Variants in ERC2 observed in about 807,000 individuals in gnomAD.
The protein encoded by ERC2 is ERC protein 2.
Under a neutral mutation model 114.8 loss-of-function variants are expected in ERC2, and 42 were observed. The ratio of observed to expected loss-of-function variants is 0.37; its 90% CI spans 0.29 to 0.47. ERC2 has a LOEUF of 0.47. Among genes scored for constraint, ERC2 ranks in the 20% least tolerant of loss-of-function variants. The pLI is 0.99. For synonymous variants in ERC2, 454 were observed against 425.5 expected, an observed-to-expected ratio of 1.07 and a Z score of -0.82; for missense variants, 939 against 1,150.7, an observed-to-expected ratio of 0.82 and a Z score of 2.66.
intron 17 of ERC2, among the ~76,000 whole-genome samples, chr3:55,678,740 T>A (rs1002308831): frequency 5.3e-5 from 8 of 152,152 alleles, no homozygotes; most frequent in Non-Finnish European, 8.8e-5. Context: ...CGACTGGACA[T>A]CTGGGGAAAC....
chr3:55,847,257 G>A (rs527247866), intron 14 of ERC2, among the ~76,000 whole-genome samples: 1 of 152,188 alleles, frequency 6.6e-6, no homozygotes, highest in East Asian at 1.9e-4. Context: ...TTTTCCCATT[G>A]GACATAAATT....
chr3:55,690,403 A>G (rs1316902378), intron 16 of ERC2, among the ~76,000 whole-genome samples: 1 of 152,074 alleles, frequency 6.6e-6, no homozygotes, highest in African/African-American at 2.4e-5. Context: ...AAGGTTGGCC[A>G]CCCCCTCTCA....
chr3:56,130,602 G>A (rs1258490575), intron 6 of ERC2, among the ~76,000 whole-genome samples: 1 of 152,188 alleles, frequency 6.6e-6, no homozygotes, highest in East Asian at 1.9e-4. Flanking sequence ...CTCTTGACCT[G>A]TAGAACAAAA....
intron 6 of ERC2, among the ~76,000 whole-genome samples, chr3:56,088,889 A>G (rs1560153745): frequency 1.3e-5 from 2 of 152,128 alleles, no homozygotes; most frequent in Non-Finnish European, 2.9e-5. Flanking sequence ...ATTATACTTT[A>G]TTATTCTACT....
intron 14 of ERC2, among the ~76,000 whole-genome samples, chr3:55,861,317 G>C (rs113665247): frequency 6.6e-6 from 1 of 152,146 alleles, no homozygotes; most frequent in Non-Finnish European, 1.5e-5. Flanking sequence ...GGAAGCCAGC[G>C]CAGCTGGTTG....
At chr3:56,055,561 G>A (rs188625777) in intron 7 of ERC2, among the ~76,000 whole-genome samples, 84 of 152,220 alleles carry the variant, frequency 5.5e-4, no homozygotes, top group Admixed American at 3.9e-3. Flanking sequence ...CTTAAAAGAC[G>A]TTAGTCATTA....
intron 13 of ERC2, among the ~76,000 whole-genome samples, chr3:55,945,481 C>T (rs760393617): frequency 1.3e-4 from 20 of 152,158 alleles, no homozygotes; most frequent in South Asian, 8.3e-4. Context: ...AAGATATACA[C>T]GTCCTTCTGC....
intron 10 of ERC2, among the ~76,000 whole-genome samples, chr3:55,994,720 T>C (rs1202520739): frequency 7.0e-6 from 1 of 143,170 alleles, no homozygotes; most frequent in Non-Finnish European, 1.5e-5. Context: ...TAGAGATAGG[T>C]ATGTACACAT....
rs554094727 is a variant in ERC2 at position 56,394,424 on chromosome 3, C to T, written c.657+39927G>A. Among the ~76,000 whole-genome samples, 10 of 152,250 alleles carry T rather than the reference C, an allele frequency of 6.6e-5. No homozygotes were observed. In the East Asian group the frequency reaches 1.9e-3, roughly 29 times the overall value. Reference sequence around the variant, plus strand: ...AAATCACTGCACAATATATTCTTAGCTAATTCTGACCTGTCTGACTTTTTA... The same window carrying T: ...AAATCACTGCACAATATATTCTTAGTTAATTCTGACCTGTCTGACTTTTTA... On this transcript the variant is annotated intron_variant, in intron 2 of 17. Transcript: ENST00000288221.
intron 6 of ERC2, among the ~76,000 whole-genome samples, chr3:56,115,336 C>G (rs1360740344): frequency 3.3e-5 from 5 of 152,276 alleles, no homozygotes; most frequent in Middle Eastern, 3.4e-3. Context: ...GATTCAATCA[C>G]TGGCCATTCT....
intron 6 of ERC2, among the ~76,000 whole-genome samples, chr3:56,132,179 A>T (rs181971812): frequency 6.6e-6 from 1 of 152,152 alleles, no homozygotes; most frequent in East Asian, 1.9e-4. Context: ...AGCATTCCCA[A>T]CTCCTTGTCA....
intron 3 of ERC2, among the ~76,000 whole-genome samples, chr3:56,196,566 GA>G (rs1260437918): frequency 1.3e-5 from 2 of 150,162 alleles, no homozygotes; most frequent in East Asian, 3.9e-4. Context: ...AGATATAAGG[GA>G]AACTGAATAA....
intron 17 of ERC2, among the ~76,000 whole-genome samples, chr3:55,601,155 G>A (rs745773513): frequency 3.9e-5 from 6 of 152,174 alleles, no homozygotes; most frequent in Non-Finnish European, 5.9e-5. Context: ...GGGCAATCTC[G>A]TGGGAATATA....
intron 2 of ERC2, among the ~76,000 whole-genome samples, chr3:56,359,936 C>A (rs1254161748): frequency 6.6e-6 from 1 of 152,138 alleles, no homozygotes; most frequent in Non-Finnish European, 1.5e-5. Flanking sequence ...ATCTAAACAC[C>A]TCCCCTTAGG....
intron 17 of ERC2, among the ~76,000 whole-genome samples, chr3:55,553,002 G>A (rs2055325104): frequency 1.7e-5 from 2 of 115,438 alleles, no homozygotes; most frequent in Admixed American, 1.7e-4. Context: ...ATTATTGTGG[G>A]GCTTCCAGAT....
intron 16 of ERC2, among the ~76,000 whole-genome samples, chr3:55,691,630 C>T (rs2062674765): frequency 7.5e-6 from 1 of 132,654 alleles, no homozygotes; most frequent in Admixed American, 7.9e-5. Context: ...AAGCTTTAGA[C>T]ATACTAGCTT....
In ERC2 at chr3:56,302,967, G is replaced by A. The variant is rs1005934407; in HGVS notation, c.658-6532C>T. On this transcript the variant is annotated intron_variant, in intron 2 of 17. Transcript: ENST00000288221. ...CTTAGCACTTACAGCACAGCTTAGC[G>A]CTTATGGCAAAACAGCTAATTCTCC... Among the ~76,000 whole-genome samples, 10 of 152,316 alleles carry A rather than the reference G, an allele frequency of 6.6e-5. No individual in the cohort carries two copies. The South Asian group carries it at 1.0e-3, about 16-fold the overall frequency.
chr3:56,251,062 C>T (rs1229522649), intron 3 of ERC2, among the ~76,000 whole-genome samples: 2 of 152,168 alleles, frequency 1.3e-5, no homozygotes, highest in Non-Finnish European at 2.9e-5. Flanking sequence ...CATCTAAACA[C>T]GATAATATTG....
At chr3:55,603,612 C>A (rs2058509535) in intron 17 of ERC2, among the ~76,000 whole-genome samples, 1 of 150,000 alleles carries the variant, frequency 6.7e-6, no homozygotes, top group Non-Finnish European at 1.5e-5. Context: ...CCACTGCACT[C>A]CAGCCTGGGT....
Sources: gnomAD v4.1 joint callset for allele counts (sites outside exome capture counted in the v4.1 genomes callset) on GRCh38, gnomAD v4.1.1 for gene constraint, MANE v1.5 for transcripts, NCBI Gene and HGNC (gene_info 2026-07-23, HGNC 2026-07-21) for gene names.